GPR89B: variants seen among roughly 807,000 people sequenced by gnomAD.
GPR89B encodes G protein-coupled receptor 89B.
In GPR89B, 25 loss-of-function variants were observed where a neutral mutation model predicts 52.4. The observed-to-expected ratio is 0.48, with a 90% CI of 0.35 to 0.67. GPR89B has a LOEUF of 0.67. Among genes scored for constraint, GPR89B ranks in the 30% least tolerant of loss-of-function variants. GPR89B has a pLI of 0.01. For synonymous variants in GPR89B, 52 were observed against 151.2 expected (o/e 0.34, Z 4.81); for missense variants, 146 against 450.2 (o/e 0.32, Z 6.11).
At chr1:147,983,027 T>C (rs1316584220) in intron 10 of GPR89B, among the ~76,000 whole-genome samples, 3 of 152,116 alleles carry the variant, frequency 2.0e-5, no homozygotes, top group African/African-American at 7.2e-5. Context: ...ACGCCGCATA[T>C]CTACAACCGT....
chr1:147,990,586 A>G (rs1457225638), intron 12 of GPR89B, among the ~76,000 whole-genome samples: 11 of 152,156 alleles, frequency 7.2e-5, no homozygotes, highest in African/African-American at 2.7e-4. Flanking sequence ...TTTTACATCT[A>G]ACATTTAAGT....
At chr1:148,010,202 CCTT>C in the GPR89B span, 1 of 152,278 alleles carries the variant, frequency 6.6e-6, no homozygotes, top group East Asian at 1.9e-4. Context: ...TTGTCCTAAA[CCTT>C]CTGTTGTTTG....
chr1:147,972,973 C>G (rs2149080923), intron 10 of GPR89B, among the ~76,000 whole-genome samples: 1 of 150,464 alleles, frequency 6.6e-6, no homozygotes, highest in East Asian at 1.9e-4. Flanking sequence ...ATCCATGTCC[C>G]TGCAAAGGAC....
At chr1:147,949,143 G>A (rs1655278864) in intron 5 of GPR89B, among the ~76,000 whole-genome samples, 2 of 152,108 alleles carry the variant, frequency 1.3e-5, no homozygotes, top group South Asian at 4.1e-4. Flanking sequence ...AAAATGAAAA[G>A]TCTCCCGGGT....
chr1:147,931,371 T>G (rs1229584052), intron 1 of GPR89B, among the ~76,000 whole-genome samples: 1 of 152,202 alleles, frequency 6.6e-6, no homozygotes, highest in Non-Finnish European at 1.5e-5. Context: ...AGTACACTCT[T>G]AAGTCCTAAG....
chr1:147,986,630 A>G (rs1403867124), intron 11 of GPR89B, among the ~76,000 whole-genome samples: 5 of 152,120 alleles, frequency 3.3e-5, no homozygotes, highest in African/African-American at 7.2e-5. Context: ...AAAGTATTCA[A>G]ATACTTCTCT....
Position 147,959,616 on chromosome 1 carries a change from A to C in GPR89B, c.617+5214A>C, listed in dbSNP as rs1423896498. 4.8e-4 allele frequency among the ~76,000 whole-genome samples: 73 copies of C among 152,016 alleles called. 1 individual carries two copies. Among genetic ancestry groups the C allele is most frequent in the Non-Finnish European group, 9.1e-4 (62 of 68,026 alleles). On this transcript the variant is annotated intron_variant, in intron 7 of 13. Transcript: ENST00000314163. The stretch of plus-strand genomic sequence containing the variant: ...AAATCAGCTGAGTAACTGAACATTT[A>C]AAGGGGAAATTTTGGAAATGAGGGA...
At chr1:148,021,431 G>A in the GPR89B span, among the ~76,000 whole-genome samples, 1 of 151,966 alleles carries the variant, frequency 6.6e-6, no homozygotes, top group Non-Finnish European at 1.5e-5. Flanking sequence ...GAACCCGGGA[G>A]GCGGAGCTTG....
At position 147,928,455 on chromosome 1, in the gene GPR89B, C is replaced by G. The variant is rs1399766287; in HGVS notation, c.-82C>G. 4.7e-5 allele frequency: 73 copies of G among 1,548,314 alleles called. No individual in the cohort carries two copies. Among genetic ancestry groups the G allele is most frequent in the Non-Finnish European group, 6.3e-5 (71 of 1,123,142 alleles). ...CTGCAGCACCTGGGAGAAGGCAGACCGTGTGAGGGGGCCTGTGGCCCCAGC... is the reference window on the plus strand; with the variant it reads ...CTGCAGCACCTGGGAGAAGGCAGACGGTGTGAGGGGGCCTGTGGCCCCAGC... On this transcript the variant is annotated 5_prime_UTR_variant, in exon 1 of 14. Transcript: ENST00000314163.
intron 10 of GPR89B, among the ~76,000 whole-genome samples, chr1:147,975,949 C>T (rs1357428643): frequency 6.6e-6 from 1 of 152,238 alleles, no homozygotes; most frequent in East Asian, 1.9e-4. Flanking sequence ...GTTCAATTTT[C>T]ATGTAGTTGT....
chr1:147,959,846 G>A (rs1656401301), intron 7 of GPR89B, among the ~76,000 whole-genome samples: 1 of 151,620 alleles, frequency 6.6e-6, no homozygotes, highest in Non-Finnish European at 1.5e-5. Context: ...TGCATTTTCT[G>A]AGCTATGTGC....
chr1:147,964,985 A>T (rs1656929125), intron 7 of GPR89B, among the ~76,000 whole-genome samples: 4 of 151,934 alleles, frequency 2.6e-5, no homozygotes, highest in Non-Finnish European at 4.4e-5. Context: ...TATGTGTTCT[A>T]GCTTTTTCAA....
intron 7 of GPR89B, among the ~76,000 whole-genome samples, chr1:147,963,493 A>G (rs1228032810): frequency 2.0e-5 from 3 of 152,088 alleles, no homozygotes; most frequent in African/African-American, 7.3e-5. Flanking sequence ...AAAACATTCA[A>G]AGCTTACATT....
At chr1:148,006,552 A>G in the GPR89B span, among the ~76,000 whole-genome samples, 1 of 151,996 alleles carries the variant, frequency 6.6e-6, no homozygotes, top group Non-Finnish European at 1.5e-5. Context: ...ACCGAACCCT[A>G]TATGTTTTTT....
downstream of GPR89B, chr1:147,995,959 T>C: frequency 2.1e-6 from 3 of 1,436,248 alleles, no homozygotes; most frequent in South Asian, 1.1e-5. Flanking sequence ...CTTAAGAGGA[T>C]AGATGAGGAG....
intron 4 of GPR89B, 94 bp downstream of exon 4, chr1:147,943,638 A>G: frequency 1.2e-6 from 1 of 835,622 alleles, no homozygotes; most frequent in South Asian, 2.0e-5. Flanking sequence ...ATTAACTTTC[A>G]GTATCTACCG....
intron 1 of GPR89B, among the ~76,000 whole-genome samples, chr1:147,933,055 G>A (rs1262498279): frequency 6.6e-6 from 1 of 152,072 alleles, no homozygotes; most frequent in Non-Finnish European, 1.5e-5. Flanking sequence ...CTGGAGTATA[G>A]TAAATGCTCA....
the GPR89B span, chr1:148,014,802 C>T: frequency 6.6e-6 from 1 of 152,036 alleles, no homozygotes; most frequent in Non-Finnish European, 1.5e-5. Flanking sequence ...TCTGCCGAGT[C>T]TGTGCACTTC....
At chr1:147,958,816 A>G (rs1656321634) in intron 7 of GPR89B, among the ~76,000 whole-genome samples, 2 of 151,982 alleles carry the variant, frequency 1.3e-5, no homozygotes, top group African/African-American at 2.4e-5. Context: ...AGTAAGTTTT[A>G]TTAATTTGAG....
Sources: gnomAD v4.1 joint callset for allele counts (sites outside exome capture counted in the v4.1 genomes callset) on GRCh38, gnomAD v4.1.1 for gene constraint, MANE v1.5 for transcripts, NCBI Gene and HGNC (gene_info 2026-07-23, HGNC 2026-07-21) for gene names.